PDE4B: variants seen among roughly 807,000 people sequenced by gnomAD.
PDE4B encodes the protein phosphodiesterase 4B, also known as 3',5'-cyclic-AMP phosphodiesterase 4B.
PDE4B carries 20 observed loss-of-function variants against 82.2 expected under a neutral mutation model. The ratio of observed to expected loss-of-function variants is 0.24; its 90% CI spans 0.17 to 0.35. The LOEUF (loss-of-function observed/expected upper bound fraction) is 0.35, where lower values mean the gene tolerates loss of function less well. PDE4B is among the 10% of genes least tolerant of loss of function. The pLI, the probability that PDE4B is intolerant of heterozygous loss-of-function variation, is 1.00. For synonymous variants in PDE4B, 320 were observed against 318.9 expected, an observed-to-expected ratio of 1.00 and a Z score of -0.04; for missense variants, 655 against 907.2, an observed-to-expected ratio of 0.72 and a Z score of 3.57.
At chr1:66,307,800 A>G (rs1402582724) in intron 7 of PDE4B, among the ~76,000 whole-genome samples, 2 of 151,806 alleles carry the variant, frequency 1.3e-5, no homozygotes, top group African/African-American at 4.8e-5. Flanking sequence ...TGCTGTTGTT[A>G]TTGTTGTTTT....
At position 66,177,894 on chromosome 1, in the gene PDE4B, T is replaced by C. The variant is rs906463170; in HGVS notation, c.282-69566T>C. 7.9e-5 allele frequency among the ~76,000 whole-genome samples: 12 copies of C among 152,092 alleles called. 1 individual carries two copies. Reference sequence around the variant, plus strand: ...AGGCTTTGGTGGGCATTGTTTTTTTTAGTAAAAATCTAGTGAAATTCCAGT... The same window carrying C: ...AGGCTTTGGTGGGCATTGTTTTTTTCAGTAAAAATCTAGTGAAATTCCAGT... On this transcript the variant is annotated intron_variant, in intron 3 of 16. Coordinates refer to ENST00000341517, the MANE Select transcript of PDE4B (RefSeq NM_002600.4).
intron 1 of PDE4B, among the ~76,000 whole-genome samples, chr1:65,874,257 A>G (rs1298840242): frequency 6.6e-6 from 1 of 151,830 alleles, no homozygotes; most frequent in Non-Finnish European, 1.5e-5. Context: ...TGATTTTTGT[A>G]CATTGATTTT....
chr1:66,282,346 GA>G (rs538175355), intron 7 of PDE4B, among the ~76,000 whole-genome samples: 44 of 152,188 alleles, frequency 2.9e-4, no homozygotes, highest in Non-Finnish European at 6.0e-4. Context: ...TCCTGGCAGG[GA>G]AAAGAGGCAG....
At chr1:65,808,234 C>T (rs1229648479) in intron 1 of PDE4B, among the ~76,000 whole-genome samples, 1 of 145,114 alleles carries the variant, frequency 6.9e-6, no homozygotes, top group African/African-American at 2.6e-5. Context: ...TGAAGTAGTA[C>T]AATTCTAGCT....
chr1:65,947,255 CCTT>C (rs1455148412), intron 3 of PDE4B, among the ~76,000 whole-genome samples: 1 of 152,066 alleles, frequency 6.6e-6, no homozygotes, highest in Non-Finnish European at 1.5e-5. Flanking sequence ...TTCTTCCGAT[CCTT>C]CTTTCTGATA....
intron 3 of PDE4B, among the ~76,000 whole-genome samples, chr1:66,189,348 T>A (rs1647516281): frequency 6.6e-6 from 1 of 152,144 alleles, no homozygotes; most frequent in South Asian, 2.1e-4. Flanking sequence ...TTTGTGGCAT[T>A]CTCTGTATTT....
intron 3 of PDE4B, among the ~76,000 whole-genome samples, chr1:66,204,176 G>C (rs1041580994): frequency 6.6e-6 from 1 of 152,188 alleles, no homozygotes; most frequent in African/African-American, 2.4e-5. Context: ...TTCGTGAACC[G>C]CAAATGCTGC....
chr1:66,305,296 C>T (rs1379154920), intron 7 of PDE4B, among the ~76,000 whole-genome samples: 1 of 152,026 alleles, frequency 6.6e-6, no homozygotes, highest in Non-Finnish European at 1.5e-5. Context: ...TTTATCTTTC[C>T]CTTCTGTGAA....
At chr1:66,035,585 T>A (rs1654018787) in intron 3 of PDE4B, among the ~76,000 whole-genome samples, 1 of 152,222 alleles carries the variant, frequency 6.6e-6, no homozygotes, top group African/African-American at 2.4e-5. Flanking sequence ...ACAGTGTTTG[T>A]CTCTCTGTGT....
chr1:66,337,540 C>T (rs924844568), intron 8 of PDE4B, among the ~76,000 whole-genome samples: 12 of 152,134 alleles, frequency 7.9e-5, no homozygotes, highest in Non-Finnish European at 1.0e-4. Context: ...CCAGGGCTCA[C>T]GACGGCTGCT....
intron 8 of PDE4B, among the ~76,000 whole-genome samples, chr1:66,336,915 C>G (rs1046262309): frequency 1.3e-5 from 2 of 152,172 alleles, no homozygotes; most frequent in Admixed American, 6.5e-5. Flanking sequence ...CACTATTCTA[C>G]CAGGCCCCGA....
In PDE4B at chr1:66,188,365, G is replaced by C. The variant is rs1399348330; in HGVS notation, c.282-59095G>C. 2.0e-5 allele frequency among the ~76,000 whole-genome samples: 3 copies of C among 151,474 alleles called. No individual in the cohort carries two copies. The East Asian group carries it at 5.9e-4, about 30-fold the overall frequency. On this transcript the variant is annotated intron_variant, in intron 3 of 16. Transcript: ENST00000341517. ...AGCTATTAGGTCCACTTGGTGCAGA[G>C]CTGAATTCAATTCCTGGGTATCCTT...
intron 3 of PDE4B, among the ~76,000 whole-genome samples, chr1:65,989,915 G>A (rs1021440391): frequency 8.5e-6 from 1 of 117,776 alleles, no homozygotes; most frequent in African/African-American, 3.2e-5. Context: ...TTGGCAGTTT[G>A]GCTCTAAAAA....
chr1:66,233,213 T>C (rs903352443), intron 3 of PDE4B, among the ~76,000 whole-genome samples: 2 of 152,202 alleles, frequency 1.3e-5, no homozygotes, highest in Non-Finnish European at 2.9e-5. Flanking sequence ...TAGAATTCTA[T>C]ATAAATGGAA....
At chr1:65,991,324 G>T (rs141056922) in intron 3 of PDE4B, among the ~76,000 whole-genome samples, 2 of 151,932 alleles carry the variant, frequency 1.3e-5, no homozygotes, top group African/African-American at 2.4e-5. Context: ...CAACTGATCC[G>T]CCTGCCTCGG....
rs548867643 is a variant in PDE4B at position 65,911,369 on chromosome 1, A to G, written c.-70-1876A>G. ...CTATAACCCTTATTCCATTATTATCATTCTTCCATTATCATCATTTCACAT... is the reference window on the plus strand; with the variant it reads ...CTATAACCCTTATTCCATTATTATCGTTCTTCCATTATCATCATTTCACAT... On this transcript the variant is annotated intron_variant, in intron 1 of 16. Coordinates refer to ENST00000341517, the MANE Select transcript of PDE4B (RefSeq NM_002600.4). 2.0e-5 allele frequency among the ~76,000 whole-genome samples: 3 copies of G among 152,274 alleles called. No homozygotes were observed. The East Asian group carries it at 5.8e-4, about 29-fold the overall frequency.
At chr1:66,260,014 A>T (rs1654565446) in intron 6 of PDE4B, among the ~76,000 whole-genome samples, 1 of 152,212 alleles carries the variant, frequency 6.6e-6, no homozygotes, top group African/African-American at 2.4e-5. Flanking sequence ...AAGCACTTAA[A>T]ACAGCATCTT....
At chr1:66,163,962 T>C (rs1646668847) in intron 3 of PDE4B, among the ~76,000 whole-genome samples, 1 of 152,214 alleles carries the variant, frequency 6.6e-6, no homozygotes, top group Non-Finnish European at 1.5e-5. Flanking sequence ...TAACATTTAT[T>C]CCTTGTTGTT....
intron 7 of PDE4B, among the ~76,000 whole-genome samples, chr1:66,297,054 C>A (rs2312065): frequency 3.3e-5 from 5 of 152,028 alleles, no homozygotes; most frequent in African/African-American, 1.2e-4. Context: ...CATCGCCCAT[C>A]GGCATTTGAC....
Sources: gnomAD v4.1 joint callset for allele counts (sites outside exome capture counted in the v4.1 genomes callset) on GRCh38, gnomAD v4.1.1 for gene constraint, MANE v1.5 for transcripts, NCBI Gene and HGNC (gene_info 2026-07-23, HGNC 2026-07-21) for gene names.